The following KCNMA1 variants were observed in gnomAD, a reference collection of about 807,000 sequenced individuals.
The protein encoded by KCNMA1 is Calcium-activated potassium channel subunit alpha-1.
A neutral mutation model predicts 140.0 loss-of-function variants in KCNMA1; 29 were observed. The observed-to-expected ratio is 0.21, with a 90% CI of 0.15 to 0.28. The LOEUF (loss-of-function observed/expected upper bound fraction) is 0.28, where lower values mean the gene tolerates loss of function less well. Ranked by LOEUF, KCNMA1 falls within the 10% of genes least tolerant of loss-of-function variation. KCNMA1 has a pLI of 1.00. For synonymous variants in KCNMA1, 612 were observed against 611.9 expected (o/e 1.00, Z 0.00); for missense variants, 880 against 1,602.2 (o/e 0.55, Z 7.70).
rs377230601 is a variant in KCNMA1 at position 77,354,089 on chromosome 10, C to T, written c.540+49773G>A. ...GCAACCTCCGCCTCCTGGGTTCAAG[C>T]GATTCTCCTGCCTCAGCCTCCCAAG... On this transcript the variant is annotated intron_variant, in intron 2 of 27. Transcript: ENST00000286628. Among the ~76,000 whole-genome samples the T allele has an allele frequency of 2.0e-4, 30 of 151,974 alleles. 1 individual carries two copies. The highest frequency in any genetic ancestry group is 6.8e-4 in the African/African-American group (28 of 41,374).
intron 19 of KCNMA1, among the ~76,000 whole-genome samples, chr10:76,999,722 C>T (rs185065331): frequency 3.3e-5 from 5 of 152,208 alleles, no homozygotes; most frequent in Admixed American, 6.5e-5. Flanking sequence ...GATTTTAGGC[C>T]CATATGGCAG....
chr10:77,277,194 G>C (rs2066920599), intron 2 of KCNMA1, among the ~76,000 whole-genome samples: 2 of 152,160 alleles, frequency 1.3e-5, no homozygotes, highest in Admixed American at 1.3e-4. Context: ...GGGGTGAGGA[G>C]CCACTAACAG....
chr10:77,517,159 C>A (rs975794090), intron 1 of KCNMA1, among the ~76,000 whole-genome samples: 1 of 152,124 alleles, frequency 6.6e-6, no homozygotes, highest in African/African-American at 2.4e-5. Flanking sequence ...ACTAGGCAGA[C>A]CCTACCCTTG....
chr10:76,995,079 A>G (rs2083819817), intron 19 of KCNMA1, among the ~76,000 whole-genome samples: 1 of 152,136 alleles, frequency 6.6e-6, no homozygotes. Flanking sequence ...CAAATTAGCC[A>G]CAGACACGTG....
At chr10:77,310,732 T>C (rs1465747747) in intron 2 of KCNMA1, among the ~76,000 whole-genome samples, 1 of 152,170 alleles carries the variant, frequency 6.6e-6, no homozygotes, top group African/African-American at 2.4e-5. Flanking sequence ...CGTGGCAGCT[T>C]ATGAAATCAC....
chr10:76,993,332 T>C lies in KCNMA1; in HGVS notation c.2266+8075A>G, dbSNP rs539079261. Among the ~76,000 whole-genome samples, 3 of 152,314 alleles carry C rather than the reference T, an allele frequency of 2.0e-5. No homozygotes were observed. In the South Asian group the frequency reaches 6.2e-4, roughly 32 times the overall value. ...AGTGGATGCAGCCGAGTGGGTCTCC[T>C]AGTCCTGGGTCAGGGGTCAGGAAAT... On this transcript the variant is annotated intron_variant, in intron 19 of 27. Coordinates refer to ENST00000286628, the MANE Select transcript of KCNMA1 (RefSeq NM_001161352.2).
chr10:77,505,402 G>C (rs1286833753), intron 1 of KCNMA1, among the ~76,000 whole-genome samples: 1 of 152,226 alleles, frequency 6.6e-6, no homozygotes, highest in African/African-American at 2.4e-5. Flanking sequence ...AGCTTTACAA[G>C]GCTCTAGGAG....
chr10:77,434,135 C>T (rs1448579155), intron 1 of KCNMA1, among the ~76,000 whole-genome samples: 1 of 152,218 alleles, frequency 6.6e-6, no homozygotes, highest in African/African-American at 2.4e-5. Context: ...AACCACAGTC[C>T]CCACTAACTA....
chr10:77,000,984 C>T (rs1428080172), intron 19 of KCNMA1, among the ~76,000 whole-genome samples: 1 of 149,750 alleles, frequency 6.7e-6, no homozygotes, highest in African/African-American at 2.5e-5. Flanking sequence ...AATGCTAGAG[C>T]TGGCTTGTTC....
At chr10:76,898,346 C>T (rs953477076) in intron 25 of KCNMA1, among the ~76,000 whole-genome samples, 2 of 151,644 alleles carry the variant, frequency 1.3e-5, no homozygotes, top group African/African-American at 4.8e-5. Context: ...GAAAGCAAAA[C>T]TAATTAGAAT....
intron 1 of KCNMA1, among the ~76,000 whole-genome samples, chr10:77,533,053 T>C (rs973886439): frequency 1.3e-5 from 2 of 152,234 alleles, no homozygotes; most frequent in African/African-American, 4.8e-5. Context: ...TCTACTATTA[T>C]GCTGGGAACA....
intron 5 of KCNMA1, among the ~76,000 whole-genome samples, chr10:77,121,631 T>G (rs2097598752): frequency 6.6e-6 from 1 of 151,942 alleles, no homozygotes; most frequent in Admixed American, 6.6e-5. Context: ...GATTCAAAAT[T>G]TATATAGTTC....
chr10:77,188,691 G>A (rs140903082), intron 3 of KCNMA1, among the ~76,000 whole-genome samples: 6 of 152,274 alleles, frequency 3.9e-5, no homozygotes, highest in African/African-American at 1.4e-4. Flanking sequence ...ACCCAAAGTG[G>A]GAAATGTTTC....
chr10:77,304,500 A>G (rs2077222662), intron 2 of KCNMA1: 1 of 152,214 alleles, frequency 6.6e-6, no homozygotes, highest in Non-Finnish European at 1.5e-5. Context: ...GATCGATGAC[A>G]GCCCACTGAA....
intron 2 of KCNMA1, among the ~76,000 whole-genome samples, chr10:77,322,244 G>A (rs1399583573): frequency 1.3e-5 from 2 of 152,162 alleles, no homozygotes; most frequent in South Asian, 2.1e-4. Context: ...ACAACAAGGG[G>A]CCTTGGAAGC....
At chr10:77,500,073 A>G (rs1336423104) in intron 1 of KCNMA1, among the ~76,000 whole-genome samples, 3 of 151,896 alleles carry the variant, frequency 2.0e-5, no homozygotes, top group Non-Finnish European at 2.9e-5. Flanking sequence ...CTTGAGAGGC[A>G]GCATGGGTAG....
At chr10:77,241,023 G>A (rs1470916777) in intron 3 of KCNMA1, among the ~76,000 whole-genome samples, 2 of 152,206 alleles carry the variant, frequency 1.3e-5, no homozygotes, top group African/African-American at 4.8e-5. Flanking sequence ...TGTTTTGAAT[G>A]CTGGGTTGCT....
At chr10:77,421,674 A>G (rs777770733) in intron 1 of KCNMA1, among the ~76,000 whole-genome samples, 27 of 152,240 alleles carry the variant, frequency 1.8e-4, no homozygotes, top group Non-Finnish European at 3.4e-4. Context: ...TTGTTCAACT[A>G]TTTAAAAATG....
At chr10:77,538,373 T>G (rs1367015276) in intron 1 of KCNMA1, among the ~76,000 whole-genome samples, 1 of 152,176 alleles carries the variant, frequency 6.6e-6, no homozygotes, top group Admixed American at 6.5e-5. Context: ...TCCACTGTGG[T>G]CTCGTGGGCC....
Sources: gnomAD v4.1 joint callset for allele counts (sites outside exome capture counted in the v4.1 genomes callset) on GRCh38, gnomAD v4.1.1 for gene constraint, MANE v1.5 for transcripts, NCBI Gene and HGNC (gene_info 2026-07-23, HGNC 2026-07-21) for gene names.